The following THAP8 variants were observed in gnomAD, a reference collection of about 807,000 sequenced individuals.
The protein encoded by THAP8 is THAP domain-containing protein 8.
THAP8 carries 24 observed loss-of-function variants against 25.0 expected under a neutral mutation model. That is an observed-to-expected ratio of 0.96 (90% CI 0.69 to 1.35). The LOEUF is 1.35. Among genes scored for constraint, THAP8 ranks in the 40% most tolerant of loss-of-function variants. The pLI is 0.00. For synonymous variants in THAP8, 169 were observed against 157.6 expected (o/e 1.07, Z -0.54); for missense variants, 399 against 368.8 (o/e 1.08, Z -0.67).
upstream of THAP8, chr19:36,054,361 T>C (rs1970220166): frequency 1.0e-6 from 1 of 973,858 alleles, no homozygotes; most frequent in Non-Finnish European, 1.5e-6. Flanking sequence ...GGGAGAGAGC[T>C]GAGAGCGCCT....
chr19:36,054,350 G>T, upstream of THAP8: 1 of 1,124,154 alleles, frequency 8.9e-7, no homozygotes, highest in Non-Finnish European at 1.3e-6. Context: ...GTCACGTACC[G>T]GGGAGAGAGC....
chr19:36,035,609 G>A lies in THAP8; in HGVS notation c.673-17C>T, dbSNP rs201183151. 9.3e-6 allele frequency: 15 copies of A among 1,608,226 alleles called. No individual in the cohort carries two copies. In the East Asian group the frequency reaches 2.9e-4, roughly 31 times the overall value. ...GGCTGTTGTCTAAGGCAAAGAAGTG[G>A]TAGAGATGGGGAACATTACGAAGCA... On this transcript the variant is annotated splice_polypyrimidine_tract_variant and intron_variant, in intron 3 of 3. Transcript: ENST00000292894.
intron 1 of THAP8, among the ~76,000 whole-genome samples, chr19:36,043,083 T>C (rs1969755269): frequency 6.6e-6 from 1 of 152,138 alleles, no homozygotes; most frequent in Non-Finnish European, 1.5e-5. Flanking sequence ...TGCCTGCCAC[T>C]GCACCTGGCT....
intron 1 of THAP8, among the ~76,000 whole-genome samples, chr19:36,048,645 G>T (rs1969954275): frequency 6.6e-6 from 1 of 151,810 alleles, no homozygotes. Context: ...GATTACAGGT[G>T]TGAGCCACCG....
upstream of THAP8, chr19:36,054,423 G>A: frequency 1.6e-6 from 1 of 628,710 alleles, no homozygotes; most frequent in Non-Finnish European, 2.8e-6. Flanking sequence ...GTCACGTGAC[G>A]AATGGGCCAT....
At chr19:36,054,329 C>G, upstream of THAP8, 1 of 1,272,356 alleles carries the variant, frequency 7.9e-7, no homozygotes, top group Admixed American at 2.0e-5. Context: ...ACGTGACGTC[C>G]GTGGAGTCTC....
chr19:36,054,174 C>T lies in THAP8; in HGVS notation c.44G>A (p.Gly15Asp), dbSNP rs369029930. ...AGGGCGGTTGTCTGCACCCAGGCGG[C>T]CCGCAGTGTTGGAGCAGTTCGGCGC... ...CRAPNCSNTA[G>D]RLGADNRPVS... The change falls in exon 1 of 4, where the codon GGC becomes GAC. Residue 15 changes from glycine (G) to aspartate (D), a missense_variant. Transcript: ENST00000292894. The T allele has an allele frequency of 6.2e-6, 10 of 1,613,752 alleles. No homozygotes were observed. The highest frequency in any genetic ancestry group is 8.5e-6 in the Non-Finnish European group (10 of 1,179,968).
chr19:36,053,181 C>A, intron 1 of THAP8, among the ~76,000 whole-genome samples: 1 of 152,002 alleles, frequency 6.6e-6, no homozygotes, highest in Non-Finnish European at 1.5e-5. Flanking sequence ...GATTCTCCTG[C>A]CTCAGCCCAC....
At chr19:36,050,236 C>G (rs562452810) in intron 1 of THAP8, among the ~76,000 whole-genome samples, 41 of 152,196 alleles carry the variant, frequency 2.7e-4, no homozygotes, top group Admixed American at 1.1e-3. Flanking sequence ...GCCTCGGCTC[C>G]TGGGATCCAG....
intron 1 of THAP8, among the ~76,000 whole-genome samples, chr19:36,047,046 T>C (rs1969904148): frequency 6.6e-6 from 1 of 152,216 alleles, no homozygotes. Flanking sequence ...GCAGCATTTG[T>C]AATGGGCAAT....
rs940503353 is a variant in THAP8, at chr19:36,035,091, A to T, written c.*349T>A. The T allele has an allele frequency of 4.7e-6, 1 of 210,704 alleles. No homozygotes were observed. The highest frequency in any genetic ancestry group is 1.1e-4 in the East Asian group (1 of 9,080). 13.1% of individuals were successfully genotyped at this position (210,704 alleles called of 1,614,324 possible). Reference sequence around the variant, plus strand: ...TCTCAGCTGTGTCCACCATGGTATCATGAACTCAGTACCAGGCTTGGCAAA... The same window carrying T: ...TCTCAGCTGTGTCCACCATGGTATCTTGAACTCAGTACCAGGCTTGGCAAA... On this transcript the variant is annotated 3_prime_UTR_variant, in exon 4 of 4. Coordinates refer to ENST00000292894, the MANE Select transcript of THAP8 (RefSeq NM_152658.3).
At chr19:36,048,841 T>TAAAAAAAAAA (rs1204599378) in intron 1 of THAP8, among the ~76,000 whole-genome samples, 13 of 83,874 alleles carry the variant, frequency 1.5e-4, no homozygotes, top group East Asian at 3.1e-4. Context: ...ACCCCTTCTT[T>TAAAAAAAAAA]AAAAAAAAAA....
Position 36,035,412 on chromosome 19 carries a change from T to C in THAP8, c.*28A>G. The C allele has an allele frequency of 6.3e-7, 1 of 1,598,948 alleles. No homozygotes were observed. Among genetic ancestry groups the C allele is most frequent in the Non-Finnish European group, 8.6e-7 (1 of 1,168,498 alleles). On this transcript the variant is annotated 3_prime_UTR_variant, in exon 4 of 4. Transcript: ENST00000292894. ...CTTTCCTCCTCCATCTTCTATCTTTTGTCCCTCGACATTGTCTGTCTTGAT... is the reference window on the plus strand; with the variant it reads ...CTTTCCTCCTCCATCTTCTATCTTTCGTCCCTCGACATTGTCTGTCTTGAT...
chr19:36,039,755 T>C (rs1969620056), intron 2 of THAP8, 37 bp from the exon 3 acceptor site: 2 of 1,486,870 alleles, frequency 1.3e-6, no homozygotes, highest in Non-Finnish European at 1.8e-6. Context: ...GGTGCCGTGG[T>C]CAGACTTCGA....
chr19:36,040,728 G>T (rs1037568956), intron 1 of THAP8, among the ~76,000 whole-genome samples: 2 of 151,860 alleles, frequency 1.3e-5, no homozygotes, highest in African/African-American at 4.8e-5. Context: ...CTCCTTCCTG[G>T]TCTTCCTGCC....
chr19:36,046,959 A>C (rs1384139264), intron 1 of THAP8, among the ~76,000 whole-genome samples: 1 of 152,224 alleles, frequency 6.6e-6, no homozygotes, highest in Non-Finnish European at 1.5e-5. Context: ...TCAGCAGCTC[A>C]AAGAGCAAAG....
upstream of THAP8, chr19:36,054,298 C>T (rs1278256189): frequency 2.7e-6 from 4 of 1,490,368 alleles, no homozygotes; most frequent in African/African-American, 2.8e-5. Flanking sequence ...CCCCGCCCCA[C>T]CCGCGCTCGC....
chr19:36,037,936 C>A (rs945817398), intron 3 of THAP8, among the ~76,000 whole-genome samples: 2 of 151,828 alleles, frequency 1.3e-5, no homozygotes, highest in South Asian at 4.2e-4. Context: ...CCACACCCGG[C>A]CTTTTTTTGT....
chr19:36,043,324 AT>A (rs1459977448), intron 1 of THAP8, among the ~76,000 whole-genome samples: 2 of 152,172 alleles, frequency 1.3e-5, no homozygotes, highest in African/African-American at 4.8e-5. Context: ...AATACTGACG[AT>A]TTCACTTATA....
Sources: gnomAD v4.1 joint callset for allele counts (sites outside exome capture counted in the v4.1 genomes callset) on GRCh38, gnomAD v4.1.1 for gene constraint, MANE v1.5 for transcripts, NCBI Gene and HGNC (gene_info 2026-07-23, HGNC 2026-07-21) for gene names.